The following RBMS3 variants were observed in gnomAD, a reference collection of about 807,000 sequenced individuals.
The protein encoded by RBMS3 is RNA binding motif single stranded interacting protein 3, also known as RNA-binding motif, single-stranded-interacting protein 3.
RBMS3 carries 27 observed loss-of-function variants against 66.8 expected under a neutral mutation model. The observed-to-expected ratio is 0.40, with a 90% CI of 0.30 to 0.56. The LOEUF (loss-of-function observed/expected upper bound fraction) is 0.56, where lower values mean the gene tolerates loss of function less well. Among genes scored for constraint, RBMS3 ranks in the 20% least tolerant of loss-of-function variants. The pLI is 0.40. For missense variants in RBMS3, 513 were observed against 549.5 expected, an observed-to-expected ratio of 0.93 and a Z score of 0.66; for synonymous variants, 188 against 183.0, an observed-to-expected ratio of 1.03 and a Z score of -0.22.
chr3:29,538,988 T>G (rs1391397811), intron 3 of RBMS3, among the ~76,000 whole-genome samples: 4 of 152,218 alleles, frequency 2.6e-5, no homozygotes, highest in Non-Finnish European at 4.4e-5. Context: ...TAACCCCATT[T>G]TTTTGCTTAT....
At chr3:29,444,279 T>A (rs2041734922) in intron 2 of RBMS3, among the ~76,000 whole-genome samples, 1 of 152,080 alleles carries the variant, frequency 6.6e-6, no homozygotes, top group Non-Finnish European at 1.5e-5. Context: ...AATTCCCATT[T>A]TATAGGTGAA....
At chr3:29,698,134 G>A (rs2052365777) in intron 4 of RBMS3, 1 of 872,812 alleles carries the variant, frequency 1.1e-6, no homozygotes, top group Non-Finnish European at 1.4e-6. Flanking sequence ...TTGTGGCTGT[G>A]CCTACATTCC....
At chr3:29,338,522 T>C (rs1163220268) in intron 1 of RBMS3, among the ~76,000 whole-genome samples, 1 of 152,170 alleles carries the variant, frequency 6.6e-6, no homozygotes, top group African/African-American at 2.4e-5. Flanking sequence ...AATTCTCAGA[T>C]TTCTGCTCAG....
At chr3:29,410,731 A>G (rs2040229217) in intron 1 of RBMS3, among the ~76,000 whole-genome samples, 1 of 152,210 alleles carries the variant, frequency 6.6e-6, no homozygotes, top group Admixed American at 6.5e-5. Context: ...AAAATGGAAC[A>G]TGATGAGCCC....
At chr3:29,502,609 C>T (rs1156290733) in intron 3 of RBMS3, among the ~76,000 whole-genome samples, 3 of 152,048 alleles carry the variant, frequency 2.0e-5, no homozygotes, top group African/African-American at 7.2e-5. Flanking sequence ...GGAGCTGGCA[C>T]TATGAAAGCA....
intron 4 of RBMS3, among the ~76,000 whole-genome samples, chr3:29,707,765 GC>G (rs2052974355): frequency 1.3e-5 from 2 of 152,172 alleles, no homozygotes; most frequent in Non-Finnish European, 1.5e-5. Context: ...TGCGTTTCTT[GC>G]CAAACGAGGG....
intron 3 of RBMS3, among the ~76,000 whole-genome samples, chr3:29,524,232 A>G (rs1022024144): frequency 1.6e-5 from 2 of 126,016 alleles, no homozygotes; most frequent in Admixed American, 7.3e-5. Context: ...GTATCTGTCT[A>G]ACTACAAAAC....
intron 1 of RBMS3, among the ~76,000 whole-genome samples, chr3:29,293,805 C>G (rs1559466023): frequency 6.6e-6 from 1 of 151,122 alleles, no homozygotes; most frequent in Non-Finnish European, 1.5e-5. Context: ...TATGGATTTG[C>G]CTTCTTTGTC....
intron 10 of RBMS3, chr3:29,924,867 A>C (rs542679686): frequency 1.3e-5 from 2 of 152,222 alleles, no homozygotes; most frequent in African/African-American, 4.8e-5. Flanking sequence ...AAAGAGAGAG[A>C]GAGAGAACAG....
chr3:29,724,257 T>C (rs1156858211), intron 4 of RBMS3, among the ~76,000 whole-genome samples: 1 of 152,150 alleles, frequency 6.6e-6, no homozygotes, highest in Non-Finnish European at 1.5e-5. Flanking sequence ...TTCTAAATAG[T>C]GATAATTGTT....
rs957693010 is a variant in RBMS3, at chr3:29,899,891, G to C, written c.939+136G>C. 1.1e-4 allele frequency: 82 copies of C among 775,402 alleles called. 1 individual carries two copies. The highest frequency in any genetic ancestry group is 1.6e-4 in the Non-Finnish European group (79 of 493,010). 48.0% of individuals were successfully genotyped at this position (775,402 alleles called of 1,614,324 possible). On this transcript the variant is annotated intron_variant, in intron 10 of 14. Transcript: ENST00000383767. The stretch of plus-strand genomic sequence containing the variant: ...GGCAGCCATATTCTCCAGATAAAAA[G>C]CTGTTCCTGAAATTCTACAAAAGCA...
chr3:29,284,631 T>A (rs749769602), intron 1 of RBMS3, among the ~76,000 whole-genome samples: 1 of 152,126 alleles, frequency 6.6e-6, no homozygotes, highest in Non-Finnish European at 1.5e-5. Context: ...TGCATTGGAA[T>A]GAATCTCTCA....
intron 6 of RBMS3, among the ~76,000 whole-genome samples, chr3:29,797,182 G>A (rs1049357172): frequency 1.3e-5 from 2 of 152,180 alleles, no homozygotes; most frequent in African/African-American, 4.8e-5. Context: ...ATTGTTTAGT[G>A]TAGCCACCTT....
chr3:29,678,232 G>A (rs1290292141), intron 4 of RBMS3, among the ~76,000 whole-genome samples: 1 of 152,068 alleles, frequency 6.6e-6, no homozygotes, highest in Non-Finnish European at 1.5e-5. Flanking sequence ...TGGGGATGGT[G>A]GGAGATAAGA....
At chr3:29,854,616 C>A (rs1421267256) in intron 6 of RBMS3, among the ~76,000 whole-genome samples, 1 of 152,132 alleles carries the variant, frequency 6.6e-6, no homozygotes, top group Non-Finnish European at 1.5e-5. Context: ...TGATTGTTAG[C>A]TAACTTTCTT....
chr3:29,665,391 T>A (rs992538175), intron 4 of RBMS3, among the ~76,000 whole-genome samples: 4 of 152,238 alleles, frequency 2.6e-5, no homozygotes, highest in African/African-American at 9.6e-5. Context: ...ATAGTTTACA[T>A]AACTTAGCTT....
At chr3:29,424,813 T>G (rs942242652) in intron 1 of RBMS3, among the ~76,000 whole-genome samples, 1 of 152,138 alleles carries the variant, frequency 6.6e-6, no homozygotes, top group African/African-American at 2.4e-5. Flanking sequence ...TATGATTGGT[T>G]AATATGGAAA....
chr3:29,685,860 C>A (rs1345844360), intron 4 of RBMS3, among the ~76,000 whole-genome samples: 1 of 152,194 alleles, frequency 6.6e-6, no homozygotes, highest in Non-Finnish European at 1.5e-5. Flanking sequence ...TCTCCCCACA[C>A]CTTCTGCACC....
chr3:29,966,508 G>T lies in RBMS3; in HGVS notation c.1099-21635G>T, dbSNP rs533544840. ...TTGATTCTCCACTTGGTCACTGTTG[G>T]TGTATAGAAGAGCTACTGATTTTTG... On this transcript the variant is annotated intron_variant, in intron 12 of 14. Transcript: ENST00000383767. 2.6e-5 allele frequency among the ~76,000 whole-genome samples: 4 copies of T among 152,204 alleles called. No homozygotes were observed. The East Asian group carries it at 5.8e-4, about 22-fold the overall frequency.
Sources: allele counts gnomAD v4.1 joint callset (sites outside exome capture counted in the v4.1 genomes callset), GRCh38; gene constraint gnomAD v4.1.1; transcripts MANE v1.5; gene names NCBI Gene and HGNC (gene_info 2026-07-23, HGNC 2026-07-21).